The following CNTNAP2 variants were observed in gnomAD, a reference collection of about 807,000 sequenced individuals.
The protein encoded by CNTNAP2 is contactin associated protein 2, also known as contactin-associated protein-like 2.
In CNTNAP2, 98 loss-of-function variants were observed where a neutral mutation model predicts 155.2. The observed-to-expected ratio is 0.63, with a 90% CI of 0.54 to 0.75. The LOEUF (loss-of-function observed/expected upper bound fraction) is 0.75. Ranked by LOEUF, CNTNAP2 falls within the 30% of genes least tolerant of loss-of-function variation. The pLI, the probability that CNTNAP2 is intolerant of heterozygous loss-of-function variation, is 0.00. For missense variants in CNTNAP2, 1,727 were observed against 1,688.1 expected (o/e 1.02, Z -0.40); for synonymous variants, 651 against 631.2 (o/e 1.03, Z -0.47).
At chr7:148,151,255 G>A (rs1015502073) in intron 17 of CNTNAP2, among the ~76,000 whole-genome samples, 1 of 152,054 alleles carries the variant, frequency 6.6e-6, no homozygotes, top group Non-Finnish European at 1.5e-5. Context: ...TAAGCACTCA[G>A]GAGAGTGCCT....
chr7:147,529,837 C>CCATTAT (rs1434234608), intron 11 of CNTNAP2, among the ~76,000 whole-genome samples: 4 of 152,208 alleles, frequency 2.6e-5, no homozygotes, highest in African/African-American at 9.6e-5. Context: ...CCATAATGTT[C>CCATTAT]CATTATGTTT....
intron 21 of CNTNAP2, among the ~76,000 whole-genome samples, chr7:148,382,407 T>C (rs999894764): frequency 1.3e-5 from 2 of 152,086 alleles, no homozygotes; most frequent in Non-Finnish European, 2.9e-5. Context: ...TTTGAAACAA[T>C]TGATTTTCTG....
chr7:147,855,618 C>A (rs938867217), intron 13 of CNTNAP2, among the ~76,000 whole-genome samples: 1 of 151,572 alleles, frequency 6.6e-6, no homozygotes, highest in Non-Finnish European at 1.5e-5. Flanking sequence ...AAAACCCGGT[C>A]TCTACTAAAA....
chr7:146,244,786 G>A (rs57314287), intron 1 of CNTNAP2, among the ~76,000 whole-genome samples: 19,032 of 151,790 alleles, frequency 0.13, 3,351 homozygotes, highest in African/African-American at 0.4. Context: ...AATGACTGCG[G>A]TGGCCTTCTC....
At chr7:147,355,727 G>C (rs930883267) in intron 9 of CNTNAP2, among the ~76,000 whole-genome samples, 1 of 152,016 alleles carries the variant, frequency 6.6e-6, no homozygotes, top group African/African-American at 2.4e-5. Context: ...ACCCACCCAA[G>C]ACTAAACCAG....
chr7:147,829,537 A>T (rs1798515659), intron 13 of CNTNAP2, among the ~76,000 whole-genome samples: 2 of 152,108 alleles, frequency 1.3e-5, no homozygotes, highest in Admixed American at 6.6e-5. Flanking sequence ...CCTTACAAAA[A>T]CCCTGTGAGA....
At chr7:148,411,319 G>T (rs540114095) in intron 23 of CNTNAP2, among the ~76,000 whole-genome samples, 4 of 152,228 alleles carry the variant, frequency 2.6e-5, no homozygotes, top group African/African-American at 4.8e-5. Flanking sequence ...AGGCTGGAGT[G>T]CAGTGGCGTG....
At chr7:146,543,137 C>T (rs1448749629) in intron 1 of CNTNAP2, among the ~76,000 whole-genome samples, 1 of 151,780 alleles carries the variant, frequency 6.6e-6, no homozygotes, top group African/African-American at 2.4e-5. Flanking sequence ...TTGCACTATA[C>T]ATATACATAT....
At chr7:147,341,825 T>C (rs948520396) in intron 9 of CNTNAP2, among the ~76,000 whole-genome samples, 1 of 151,080 alleles carries the variant, frequency 6.6e-6, no homozygotes, top group Admixed American at 6.6e-5. Context: ...CATCTAAATA[T>C]AAGAAACCAT....
chr7:146,132,970 T>A (rs890021538), intron 1 of CNTNAP2, among the ~76,000 whole-genome samples: 12 of 148,042 alleles, frequency 8.1e-5, no homozygotes, highest in African/African-American at 2.8e-4. Context: ...CAGTTCTAGA[T>A]CCCTGAGGAA....
chr7:147,079,301 A>G (rs1011438836), intron 4 of CNTNAP2, among the ~76,000 whole-genome samples: 1 of 152,120 alleles, frequency 6.6e-6, no homozygotes, highest in Non-Finnish European at 1.5e-5. Context: ...CCAGGAACCC[A>G]GAGCTTCTAA....
chr7:148,267,026 C>T lies in CNTNAP2; in HGVS notation c.3382-7C>T, dbSNP rs189589051. 1,169 of 1,613,810 alleles carry T rather than the reference C, an allele frequency of 7.2e-4. 11 individuals are homozygous for T. In the African/African-American group the frequency reaches 0.014, roughly 20 times the overall value. ...TTCTAAAAGTGTCTCTTGTTTTCCT[C>T]CTGCAGCTCGATCATTATCCTTCTG... On this transcript the variant is annotated splice_region_variant and splice_polypyrimidine_tract_variant and intron_variant, in intron 20 of 23. Transcript: ENST00000361727.
intron 15 of CNTNAP2, among the ~76,000 whole-genome samples, chr7:148,091,609 T>C (rs2116564964): frequency 6.6e-6 from 1 of 152,360 alleles, no homozygotes. Flanking sequence ...GAAAAATTAT[T>C]TATGATACAT....
chr7:146,713,318 A>ATTTT (rs1423535000), intron 1 of CNTNAP2, among the ~76,000 whole-genome samples: 1 of 152,150 alleles, frequency 6.6e-6, no homozygotes, highest in African/African-American at 2.4e-5. Flanking sequence ...AGCTGCAGTT[A>ATTTT]TTAATTAGTG....
intron 1 of CNTNAP2, among the ~76,000 whole-genome samples, chr7:146,696,261 C>A (rs981706518): frequency 2.0e-5 from 3 of 152,108 alleles, no homozygotes; most frequent in Non-Finnish European, 4.4e-5. Flanking sequence ...TTTTATATTG[C>A]GCCTTCTGTG....
At chr7:148,356,903 AAAAAC>A (rs1798526297) in intron 21 of CNTNAP2, among the ~76,000 whole-genome samples, 2 of 151,494 alleles carry the variant, frequency 1.3e-5, no homozygotes, top group African/African-American at 4.9e-5. Context: ...AAAAAAACAA[AAAAAC>A]AAAAAAAAAA....
intron 13 of CNTNAP2, among the ~76,000 whole-genome samples, chr7:147,737,933 T>C (rs1402232858): frequency 6.6e-6 from 1 of 152,170 alleles, no homozygotes; most frequent in Non-Finnish European, 1.5e-5. Flanking sequence ...TTCCCTTGGC[T>C]AGAAAGGGAA....
intron 13 of CNTNAP2, among the ~76,000 whole-genome samples, chr7:147,667,866 G>A (rs7786677): frequency 0.089 from 13,453 of 151,120 alleles, 1,032 homozygotes; most frequent in Admixed American, 0.2. Context: ...GAAGGATTAC[G>A]ACATCTCTGA....
At chr7:148,380,860 T>G (rs899997807) in intron 21 of CNTNAP2, among the ~76,000 whole-genome samples, 1 of 152,316 alleles carries the variant, frequency 6.6e-6, no homozygotes, top group Non-Finnish European at 1.5e-5. Context: ...CCTGACCGCT[T>G]TGTGGGACTT....
Sources: gnomAD v4.1 joint callset for allele counts (sites outside exome capture counted in the v4.1 genomes callset) on GRCh38, gnomAD v4.1.1 for gene constraint, MANE v1.5 for transcripts, NCBI Gene and HGNC (gene_info 2026-07-23, HGNC 2026-07-21) for gene names.